The following UGGT2 variants were observed in gnomAD, a reference collection of about 807,000 sequenced individuals.
UGGT2 encodes UDP-glucose:glycoprotein glucosyltransferase 2.
In UGGT2, 180 loss-of-function variants were observed where a neutral mutation model predicts 192.1. The observed-to-expected ratio is 0.94, with a 90% CI of 0.83 to 1.06. The LOEUF (loss-of-function observed/expected upper bound fraction) is 1.06. UGGT2 is among the 50% of genes least tolerant of loss of function. The pLI, the probability that UGGT2 is intolerant of heterozygous loss-of-function variation, is 0.00. For missense variants in UGGT2, 1,849 were observed against 1,795.7 expected, an observed-to-expected ratio of 1.03 and a Z score of -0.54; for synonymous variants, 580 against 591.0, an observed-to-expected ratio of 0.98 and a Z score of 0.27.
intron 4 of UGGT2, among the ~76,000 whole-genome samples, chr13:96,022,597 A>G (rs2052546391): frequency 6.6e-6 from 1 of 151,892 alleles, no homozygotes; most frequent in African/African-American, 2.4e-5. Flanking sequence ...ACTCTAAAAA[A>G]TCACTAATAA....
At chr13:95,904,550 G>GT (rs1303824776) in intron 20 of UGGT2, among the ~76,000 whole-genome samples, 3 of 149,800 alleles carry the variant, frequency 2.0e-5, no homozygotes, top group East Asian at 2.0e-4. Context: ...GCGGTGTTTG[G>GT]TTTTTTGTTC....
chr13:95,814,681 CTCCAAAG>C (rs1183383549), intron 38 of UGGT2, among the ~76,000 whole-genome samples: 1 of 152,096 alleles, frequency 6.6e-6, no homozygotes, highest in African/African-American at 2.4e-5. Flanking sequence ...TAACTCAAAA[CTCCAAAG>C]TCCAAAGTCT....
At chr13:96,021,086 T>G (rs1033013898) in intron 4 of UGGT2, among the ~76,000 whole-genome samples, 1 of 152,282 alleles carries the variant, frequency 6.6e-6, no homozygotes. Context: ...TGTTTTATAG[T>G]AAGCAATAAA....
intron 4 of UGGT2, among the ~76,000 whole-genome samples, chr13:96,016,222 A>G (rs1466171111): frequency 6.6e-6 from 1 of 152,252 alleles, no homozygotes; most frequent in East Asian, 1.9e-4. Context: ...TTGCAGCCCT[A>G]GCCAGAAAAG....
At chr13:95,973,143 C>G (rs1225401694) in intron 10 of UGGT2, among the ~76,000 whole-genome samples, 1 of 151,968 alleles carries the variant, frequency 6.6e-6, no homozygotes, top group African/African-American at 2.4e-5. Flanking sequence ...GCACTCCAGC[C>G]TGGGCAACAA....
intron 21 of UGGT2, among the ~76,000 whole-genome samples, chr13:95,901,472 C>T (rs371975670): frequency 6.6e-6 from 1 of 152,062 alleles, no homozygotes; most frequent in Non-Finnish European, 1.5e-5. Context: ...GCTCATTGCA[C>T]CTTCATACTA....
At chr13:95,880,262 A>G (rs964087226) in intron 27 of UGGT2, among the ~76,000 whole-genome samples, 3 of 152,208 alleles carry the variant, frequency 2.0e-5, no homozygotes, top group Admixed American at 6.5e-5. Flanking sequence ...TTTTGTTGCT[A>G]TTGAATGTGA....
intron 17 of UGGT2, among the ~76,000 whole-genome samples, chr13:95,934,044 C>A (rs1029343089): frequency 9.8e-5 from 15 of 152,308 alleles, no homozygotes; most frequent in Admixed American, 9.2e-4. Context: ...GCTTTTGCTG[C>A]ATGCCAGAGA....
At chr13:95,860,739 C>T in intron 32 of UGGT2, 49 bp downstream of exon 32, 2 of 1,183,158 alleles carry the variant, frequency 1.7e-6, no homozygotes, top group East Asian at 2.9e-5. Context: ...GAAATTTGAA[C>T]CATGTAAATA....
At chr13:95,961,249 A>G (rs1030481821) in intron 12 of UGGT2, among the ~76,000 whole-genome samples, 4 of 152,206 alleles carry the variant, frequency 2.6e-5, no homozygotes, top group Non-Finnish European at 1.5e-5. Context: ...AAGTCCTCAC[A>G]TATCAATAAT....
At chr13:95,942,279 G>A (rs1282701460) in intron 15 of UGGT2, among the ~76,000 whole-genome samples, 1 of 142,758 alleles carries the variant, frequency 7.0e-6, no homozygotes, top group Non-Finnish European at 1.5e-5. Flanking sequence ...TGTGTTGTCT[G>A]TAGGAAATGT....
intron 5 of UGGT2, among the ~76,000 whole-genome samples, chr13:96,009,926 A>C (rs527587820): frequency 6.6e-6 from 1 of 152,360 alleles, no homozygotes; most frequent in African/African-American, 2.4e-5. Context: ...AGAAATGCAG[A>C]TCAAAACCAC....
At chr13:95,999,846 G>A (rs1327470518) in intron 5 of UGGT2, among the ~76,000 whole-genome samples, 1 of 152,152 alleles carries the variant, frequency 6.6e-6, no homozygotes, top group African/African-American at 2.4e-5. Flanking sequence ...TATACCAAAT[G>A]CCACAAATTA....
intron 33 of UGGT2, among the ~76,000 whole-genome samples, chr13:95,857,934 A>T (rs1452552694): frequency 6.6e-6 from 1 of 152,054 alleles, no homozygotes; most frequent in African/African-American, 2.4e-5. Context: ...CTACTAGGAA[A>T]GCATGTTAAA....
At chr13:95,902,472 G>A (rs923124769) in intron 21 of UGGT2, among the ~76,000 whole-genome samples, 7 of 152,018 alleles carry the variant, frequency 4.6e-5, no homozygotes, top group Non-Finnish European at 8.8e-5. Flanking sequence ...CGATCAATAT[G>A]TATTTTTTGA....
intron 12 of UGGT2, among the ~76,000 whole-genome samples, chr13:95,951,063 C>T (rs147962778): frequency 6.6e-6 from 1 of 152,074 alleles, no homozygotes; most frequent in Non-Finnish European, 1.5e-5. Context: ...TTATTGTGGA[C>T]TGAACTAAGT....
intron 26 of UGGT2, among the ~76,000 whole-genome samples, 169 bp downstream of exon 26, chr13:95,887,723 T>G (rs11842395): frequency 0.36 from 55,215 of 151,728 alleles, 10,299 homozygotes; most frequent in Middle Eastern, 0.42. Context: ...TTTTAATTTT[T>G]ATATCAATTT....
In UGGT2 at chr13:95,856,313, A is replaced by C; in HGVS notation, c.3853T>G (p.Tyr1285Asp). 1 of 1,610,430 alleles carries C rather than the reference A, an allele frequency of 6.2e-7. No individual in the cohort carries two copies. The highest frequency in any genetic ancestry group is 8.5e-7 in the Non-Finnish European group (1 of 1,179,098). ...TGAACTAGTTCATATCGGAATCCAT[A>C]CTCTTTAGCCATGTGAGGAATTACT... ...KEVIPHMAKE[Y>D]GFRYELVQYR... The change falls in exon 34 of 39, where the codon TAT becomes GAT. Residue 1285 changes from tyrosine (Y) to aspartate (D), a missense_variant. Physicochemically the swap from Tyr to Asp is radical, Grantham distance 160. Transcript: ENST00000376747.
chr13:95,910,772 C>T (rs1196298247), intron 20 of UGGT2, among the ~76,000 whole-genome samples: 1 of 152,222 alleles, frequency 6.6e-6, no homozygotes, highest in Non-Finnish European at 1.5e-5. Context: ...CACCCCAAAT[C>T]AACAGAATAT....
Sources: allele counts gnomAD v4.1 joint callset (sites outside exome capture counted in the v4.1 genomes callset), GRCh38; gene constraint gnomAD v4.1.1; transcripts MANE v1.5; gene names NCBI Gene and HGNC (gene_info 2026-07-23, HGNC 2026-07-21).